Variants in PMS1 observed in about 807,000 individuals in gnomAD.
PMS1 encodes the protein PMS1 protein homolog 1.
PMS1 carries 79 observed loss-of-function variants against 93.1 expected under a neutral mutation model. That is an observed-to-expected ratio of 0.85 (90% confidence interval 0.71 to 1.02). The LOEUF (loss-of-function observed/expected upper bound fraction) is 1.02, where lower values mean the gene tolerates loss of function less well. Among genes scored for constraint, PMS1 ranks in the 50% least tolerant of loss-of-function variants. The probability of loss-of-function intolerance (pLI) is 0.00; values close to 1 mark genes in which losing one functional copy is unlikely to be tolerated. For missense variants in PMS1, 1,064 were observed against 1,085.3 expected (o/e 0.98, Z 0.28); for synonymous variants, 335 against 363.4 (o/e 0.92, Z 0.89).
intron 10 of PMS1, among the ~76,000 whole-genome samples, chr2:189,867,481 G>A (rs984564964): frequency 2.0e-5 from 3 of 152,088 alleles, no homozygotes; most frequent in Non-Finnish European, 4.4e-5. Flanking sequence ...GTGTATTATT[G>A]TGTCTGTTTT....
chr2:189,830,630 C>T (rs1223937917), intron 5 of PMS1, among the ~76,000 whole-genome samples: 1 of 152,034 alleles, frequency 6.6e-6, no homozygotes, highest in Non-Finnish European at 1.5e-5. Flanking sequence ...GCTCTTTTTT[C>T]ACTGTCATAT....
At position 189,853,811 on chromosome 2, in the gene PMS1, C is replaced by T. The variant is rs118176420; in HGVS notation, c.823-128C>T. The T allele has an allele frequency of 5.9e-4, 362 of 610,278 alleles. 3 individuals are homozygous for T. In the East Asian group the frequency reaches 8.4e-3, roughly 14 times the overall value. The allele number at this position is 610,278 out of a possible 1,614,324, so 37.8% of individuals were successfully genotyped here. A position where few individuals can be genotyped will look rare whatever the true frequency, so the allele number is the denominator to read the frequency against. On this transcript the variant is annotated intron_variant, in intron 7 of 12. Transcript: ENST00000441310. ...GGATCCCAGGCATGAGCCACTGTGC[C>T]GGGTCATGATAATGCTTTTCCTAAT...
chr2:189,854,281 T>TA lies in PMS1; in HGVS notation c.1010dup (p.Tyr337Ter). Reference sequence around the variant, plus strand: ...TCTTGAAAATCTGATGACGACTTGTTATGGACCATTACCTAGTACAAATTC... The same window carrying TA: ...TCTTGAAAATCTGATGACGACTTGTTAATGGACCATTACCTAGTACAAATTC... ...IALENLMTTC[Y>*]GPLPSTNSYE... The change falls in exon 9 of 13, where the codon TAT becomes TAAT. Residue 337 changes from tyrosine to a stop codon, truncating the protein, a stop_gained and frameshift_variant. Coordinates refer to ENST00000441310, the MANE Select transcript of PMS1 (RefSeq NM_000534.5). LOFTEE classifies it high-confidence loss of function. 1 of 1,600,176 alleles carries TA rather than the reference T, an allele frequency of 6.2e-7. No individual in the cohort carries two copies. The highest frequency in any genetic ancestry group is 8.5e-7 in the Non-Finnish European group (1 of 1,174,642).
chr2:189,864,379 C>T lies in PMS1; in HGVS notation c.2342+151C>T, dbSNP rs56047681. The T allele has an allele frequency of 5.7e-4, 382 of 669,480 alleles. No homozygotes were observed. In the African/African-American group the frequency reaches 5.9e-3, roughly 10 times the overall value. 41.5% of individuals were successfully genotyped at this position (669,480 alleles called of 1,614,324 possible). On this transcript the variant is annotated intron_variant, in intron 10 of 12. Transcript: ENST00000441310. ...TCTTTTAAACATTTGATTTCTAGGC[C>T]GGGCGCAGTGGCTCATGCCTGTAAT...
chr2:189,830,168 T>C (rs1032873507), intron 5 of PMS1, among the ~76,000 whole-genome samples: 1 of 152,214 alleles, frequency 6.6e-6, no homozygotes, highest in African/African-American at 2.4e-5. Context: ...CCTGTTGTTG[T>C]AGTGTGAATG....
intron 5 of PMS1, among the ~76,000 whole-genome samples, chr2:189,833,726 C>T (rs1409313462): frequency 6.6e-6 from 1 of 152,186 alleles, no homozygotes; most frequent in Non-Finnish European, 1.5e-5. Context: ...CCCCCTACTT[C>T]CCTGCTGGAA....
chr2:189,812,779 A>G (rs1333135229), intron 4 of PMS1, among the ~76,000 whole-genome samples: 2 of 152,218 alleles, frequency 1.3e-5, no homozygotes, highest in Non-Finnish European at 2.9e-5. Flanking sequence ...TAAAAAGCCA[A>G]TTAAAGCATA....
chr2:189,805,887 CAAGTA>C, intron 4 of PMS1, 133 bp downstream of exon 4: 1 of 1,540,982 alleles, frequency 6.5e-7, no homozygotes. Context: ...AGTTAACTTC[CAAGTA>C]AACATTCAGC....
intron 1 of PMS1, among the ~76,000 whole-genome samples, chr2:189,787,055 T>G (rs551117193): frequency 6.6e-6 from 1 of 152,192 alleles, no homozygotes; most frequent in South Asian, 2.1e-4. Flanking sequence ...CCTGAAACTC[T>G]GTCTCAAAAA....
At chr2:189,792,922 G>T (rs891392651) in intron 2 of PMS1, among the ~76,000 whole-genome samples, 3 of 151,666 alleles carry the variant, frequency 2.0e-5, no homozygotes, top group African/African-American at 7.3e-5. Flanking sequence ...CAATTCTCCT[G>T]CCCCAGCCTC....
intron 5 of PMS1, 85 bp from the exon 6 acceptor site, chr2:189,843,879 C>A: frequency 8.1e-7 from 1 of 1,231,644 alleles, no homozygotes; most frequent in Non-Finnish European, 1.2e-6. Context: ...AGGATGAATG[C>A]AAAATATAGG....
chr2:189,868,384 C>T (rs1050991810), intron 11 of PMS1, among the ~76,000 whole-genome samples: 1 of 152,142 alleles, frequency 6.6e-6, no homozygotes, highest in African/African-American at 2.4e-5. Context: ...TGATTTGGTT[C>T]CATGGCTTTG....
intron 5 of PMS1, among the ~76,000 whole-genome samples, chr2:189,819,411 T>G (rs986251303): frequency 1.3e-5 from 2 of 152,216 alleles, no homozygotes; most frequent in Non-Finnish European, 2.9e-5. Context: ...GGGAGATTAC[T>G]TGGTCAAATA....
chr2:189,836,089 G>A (rs948781010), intron 5 of PMS1, among the ~76,000 whole-genome samples: 5 of 152,130 alleles, frequency 3.3e-5, no homozygotes, highest in African/African-American at 4.8e-5. Context: ...TTTTAGCATT[G>A]TACTATTCAC....
At chr2:189,864,690 ATATATATATATATATAT>A (rs1559324778) in intron 10 of PMS1, among the ~76,000 whole-genome samples, 10 of 8,392 alleles carry the variant, frequency 1.2e-3, no homozygotes, top group South Asian at 5.8e-3. Context: ...AAAAAAAAAT[ATATATATATATATATAT>A]ATATATATAT....
intron 5 of PMS1, 141 bp from the exon 6 acceptor site, chr2:189,843,823 T>C: frequency 1.4e-6 from 1 of 725,754 alleles, no homozygotes; most frequent in Non-Finnish European, 2.4e-6. Flanking sequence ...CTGTCAGACC[T>C]CATAGCTCAT....
At chr2:189,822,234 A>G (rs1422199527) in intron 5 of PMS1, among the ~76,000 whole-genome samples, 1 of 152,188 alleles carries the variant, frequency 6.6e-6, no homozygotes, top group Non-Finnish European at 1.5e-5. Context: ...GGTCGGGGAG[A>G]GTCCGATGCG....
intron 9 of PMS1, among the ~76,000 whole-genome samples, chr2:189,862,516 T>G (rs1465374529): frequency 2.0e-5 from 3 of 152,240 alleles, no homozygotes; most frequent in Non-Finnish European, 2.9e-5. Context: ...CTCATTTTCC[T>G]GTTTTGTTAG....
intron 4 of PMS1, among the ~76,000 whole-genome samples, chr2:189,816,466 T>C (rs545590728): frequency 1.3e-5 from 2 of 152,308 alleles, no homozygotes; most frequent in Admixed American, 1.3e-4. Flanking sequence ...TAAAATTCTT[T>C]TCTTGTCCTC....
Sources: allele counts gnomAD v4.1 joint callset (sites outside exome capture counted in the v4.1 genomes callset), GRCh38; gene constraint gnomAD v4.1.1; transcripts MANE v1.5; gene names NCBI Gene and HGNC (gene_info 2026-07-23, HGNC 2026-07-21).